Variants in CEP41 observed in about 807,000 individuals in gnomAD.
The protein encoded by CEP41 is centrosomal protein of 41 kDa.
Under a neutral mutation model 44.3 loss-of-function variants are expected in CEP41, and 32 were observed. The ratio of observed to expected loss-of-function variants is 0.72; its 90% CI spans 0.54 to 0.97. The LOEUF is 0.97. Ranked by LOEUF, CEP41 falls within the 50% of genes least tolerant of loss-of-function variation. The pLI is 0.00. For synonymous variants in CEP41, 151 were observed against 168.5 expected, an observed-to-expected ratio of 0.90 and a Z score of 0.80; for missense variants, 432 against 455.2, an observed-to-expected ratio of 0.95 and a Z score of 0.46.
At chr7:130,405,175 T>A (rs1796972953) in intron 5 of CEP41, among the ~76,000 whole-genome samples, 1 of 152,260 alleles carries the variant, frequency 6.6e-6, no homozygotes, top group Admixed American at 6.5e-5. Flanking sequence ...CATGCTTTTT[T>A]TAATGTTCTG....
In CEP41 at chr7:130,400,176, G is replaced by A; in HGVS notation, c.836C>T (p.Pro279Leu). 1.2e-6 allele frequency: 2 copies of A among 1,613,950 alleles called. No homozygotes were observed. The highest frequency in any genetic ancestry group is 1.7e-6 in the Non-Finnish European group (2 of 1,179,908). The change falls in exon 10 of 11, where the codon CCT becomes CTT. Residue 279 changes from proline to leucine, a missense_variant. Physicochemically the swap from Pro to Leu is moderately conservative, Grantham distance 98. Coordinates refer to ENST00000223208, the MANE Select transcript of CEP41 (RefSeq NM_018718.3). ...GGATCGTTTCCGGGCAGACCCAGGA[G>A]GAAGGGCCTGCTGGCAAGATGCTGG... ...SLPASCQQAL[P>L]PGSARKRSSP...
chr7:130,419,412 A>G (rs1290504266), intron 2 of CEP41: 2 of 985,302 alleles, frequency 2.0e-6, no homozygotes, highest in African/African-American at 3.5e-5. Flanking sequence ...AACTGCTTAC[A>G]TCTTAACTAT....
At position 130,400,019 on chromosome 7, in the gene CEP41, T is replaced by C; in HGVS notation, c.973+20A>G. ...AAAGCTGCAAACCAAACATTATCTT[T>C]AAAGGTCAAAAGATCTTACTAGGAT... On this transcript the variant is annotated intron_variant, in intron 10 of 10. Transcript: ENST00000223208. The C allele has an allele frequency of 3.3e-6, 5 of 1,513,530 alleles. No homozygotes were observed. The highest frequency in any genetic ancestry group is 4.6e-6 in the Non-Finnish European group (5 of 1,089,916). The allele number at this position is 1,513,530 out of a possible 1,614,324, so 93.8% of individuals were successfully genotyped here.
rs528455016 is a variant in CEP41, at chr7:130,397,675, C to T, written c.*1216G>A. On this transcript the variant is annotated 3_prime_UTR_variant, in exon 11 of 11. Transcript: ENST00000223208. ...ATTCCTCAGTCCCTTATCACAGCTA[C>T]GATCACAGACCATAAAAATTAACAC... 17 of 454,270 alleles carry T rather than the reference C, an allele frequency of 3.7e-5. No homozygotes were observed. The highest frequency in any genetic ancestry group is 1.9e-4 in the South Asian group (12 of 64,436). 28.1% of individuals were successfully genotyped at this position (454,270 alleles called of 1,614,324 possible).
Position 130,397,975 on chromosome 7 carries a change from G to A in CEP41, c.*916C>T, listed in dbSNP as rs1554415547. On this transcript the variant is annotated 3_prime_UTR_variant, in exon 11 of 11. Coordinates refer to ENST00000223208, the MANE Select transcript of CEP41 (RefSeq NM_018718.3). ...GTCAGCCCTGACAAAGGACTTCGGA[G>A]TCCTCTTCACCTTGTGTGTCCACAG... The A allele has an allele frequency of 8.8e-6, 4 of 454,388 alleles. No individual in the cohort carries two copies. In the Admixed American group the frequency reaches 9.4e-5, roughly 11 times the overall value. 28.1% of individuals were successfully genotyped at this position (454,388 alleles called of 1,614,324 possible). A position where few individuals can be genotyped will look rare whatever the true frequency, so the allele number is the denominator to read the frequency against.
At chr7:130,430,138 A>G (rs1797781569) in intron 1 of CEP41, among the ~76,000 whole-genome samples, 2 of 152,212 alleles carry the variant, frequency 1.3e-5, no homozygotes, top group African/African-American at 2.4e-5. Context: ...GTCTTACAAA[A>G]TATCTGTTGG....
chr7:130,398,800 G>A lies in CEP41; in HGVS notation c.*91C>T. Reference sequence around the variant, plus strand: ...ATACATATGTCATGGTCTTTCCTCTGCAGAAGTTTCTGGAAATGACCCAAC... The same window carrying A: ...ATACATATGTCATGGTCTTTCCTCTACAGAAGTTTCTGGAAATGACCCAAC... On this transcript the variant is annotated 3_prime_UTR_variant, in exon 11 of 11. Transcript: ENST00000223208. The A allele has an allele frequency of 6.9e-7, 1 of 1,450,220 alleles. No homozygotes were observed. Among genetic ancestry groups the A allele is most frequent in the Middle Eastern group, 1.7e-4 (1 of 5,780 alleles). The allele number at this position is 1,450,220 out of a possible 1,614,324, so 89.8% of individuals were successfully genotyped here.
intron 3 of CEP41, among the ~76,000 whole-genome samples, chr7:130,412,605 A>C (rs548877493): frequency 4.6e-5 from 7 of 152,338 alleles, no homozygotes; most frequent in African/African-American, 1.7e-4. Context: ...AGAGTAAAGC[A>C]GGGAAGAAAT....
At chr7:130,401,418 A>T (rs1796839924) in intron 8 of CEP41, among the ~76,000 whole-genome samples, 1 of 152,208 alleles carries the variant, frequency 6.6e-6, no homozygotes. Context: ...GACAGTCTGG[A>T]ATAAAATATA....
At chr7:130,416,516 C>T (rs574173301) in intron 3 of CEP41, among the ~76,000 whole-genome samples, 6 of 152,322 alleles carry the variant, frequency 3.9e-5, no homozygotes, top group Admixed American at 6.5e-5. Context: ...CATTTATACA[C>T]ACAAGAATGT....
rs1554414223 is a variant in CEP41 at position 130,395,756 on chromosome 7, T to C, written c.*3135A>G. The C allele has an allele frequency of 1.1e-5, 5 of 453,740 alleles. No homozygotes were observed. The highest frequency in any genetic ancestry group is 8.0e-5 in the African/African-American group (4 of 49,990). 28.1% of individuals were successfully genotyped at this position (453,740 alleles called of 1,614,324 possible). A position where few individuals can be genotyped will look rare whatever the true frequency, so the allele number is the denominator to read the frequency against. On this transcript the variant is annotated 3_prime_UTR_variant, in exon 11 of 11. Coordinates refer to ENST00000223208, the MANE Select transcript of CEP41 (RefSeq NM_018718.3). ...TAGCCTAAAGTCTTAAGAATTTTTG[T>C]ATAATTTAAATAGCACCACAGGAAA... is the stretch of plus-strand genomic sequence containing the variant.
chr7:130,434,829 G>C (rs1797916767), intron 1 of CEP41, among the ~76,000 whole-genome samples: 1 of 152,142 alleles, frequency 6.6e-6, no homozygotes, highest in South Asian at 2.1e-4. Flanking sequence ...CAAAGGAGAA[G>C]AGTGGGAATA....
Position 130,395,455 on chromosome 7 carries a change from G to C in CEP41, c.*3436C>G, listed in dbSNP as rs1350309003. On this transcript the variant is annotated 3_prime_UTR_variant, in exon 11 of 11. Transcript: ENST00000223208. Reference sequence around the variant, plus strand: ...ACACTGAGAACGTTTTAGAACTGGAGAAAGAAAGGTTCTTACTGATTATCT... The same window carrying C: ...ACACTGAGAACGTTTTAGAACTGGACAAAGAAAGGTTCTTACTGATTATCT... The C allele has an allele frequency of 2.2e-6, 1 of 453,958 alleles. No individual in the cohort carries two copies. Among genetic ancestry groups the C allele is most frequent in the African/African-American group, 2.0e-5 (1 of 49,992 alleles). 28.1% of individuals were successfully genotyped at this position (453,958 alleles called of 1,614,324 possible). A position where few individuals can be genotyped will look rare whatever the true frequency, so the allele number is the denominator to read the frequency against.
Position 130,396,166 on chromosome 7 carries a change from G to T in CEP41, c.*2725C>A. 2.2e-6 allele frequency: 1 copy of T among 453,488 alleles called. No individual in the cohort carries two copies. Among genetic ancestry groups the T allele is most frequent in the South Asian group, 1.6e-5 (1 of 64,436 alleles). 28.1% of individuals were successfully genotyped at this position (453,488 alleles called of 1,614,324 possible). ...GCATTTAAGGTATTATTTAAACTTTGGCCATCACTGCTGTTCAGGGTGCTG... is the reference window on the plus strand; with the variant it reads ...GCATTTAAGGTATTATTTAAACTTTTGCCATCACTGCTGTTCAGGGTGCTG... On this transcript the variant is annotated 3_prime_UTR_variant, in exon 11 of 11. Coordinates refer to ENST00000223208, the MANE Select transcript of CEP41 (RefSeq NM_018718.3).
In CEP41 at chr7:130,402,657, T is replaced by A; in HGVS notation, c.565A>T (p.Ile189Phe). 1 of 1,614,076 alleles carries A rather than the reference T, an allele frequency of 6.2e-7. No individual in the cohort carries two copies. The highest frequency in any genetic ancestry group is 8.5e-7 in the Non-Finnish European group (1 of 1,179,988). Reference sequence around the variant, plus strand: ...GCCTTCTCTCTCTTACCTCCAACAATGTGGCACTGCTGGTAAGAATCTCTA... The same window carrying A: ...GCCTTCTCTCTCTTACCTCCAACAAAGTGGCACTGCTGGTAAGAATCTCTA... ...RDRDSYQQCH[I>F]VGAYSYPIAT... Residue 189 changes from isoleucine (I) to phenylalanine (F), a missense_variant, in exon 7 of 11, where the codon ATT (isoleucine) becomes TTT (phenylalanine). Transcript: ENST00000223208.
In CEP41 at chr7:130,396,042, T is replaced by C. The variant is rs1288708394; in HGVS notation, c.*2849A>G. 2.0e-5 allele frequency: 9 copies of C among 453,982 alleles called. No individual in the cohort carries two copies. Among genetic ancestry groups the C allele is most frequent in the Non-Finnish European group, 3.5e-5 (8 of 226,802 alleles). 28.1% of individuals were successfully genotyped at this position (453,982 alleles called of 1,614,324 possible). The stretch of plus-strand genomic sequence containing the variant: ...CCTTTCTCTCTCGCTTTCTGCTTCT[T>C]TTCTTCTCTCTGCCCTCCCTTCTTC... On this transcript the variant is annotated 3_prime_UTR_variant, in exon 11 of 11. Coordinates refer to ENST00000223208, the MANE Select transcript of CEP41 (RefSeq NM_018718.3).
intron 1 of CEP41, among the ~76,000 whole-genome samples, chr7:130,432,255 A>G (rs1027777702): frequency 1.3e-5 from 2 of 152,206 alleles, no homozygotes; most frequent in African/African-American, 4.8e-5. Context: ...TTAAGGAAGT[A>G]AGGAAGTGGT....
In CEP41 at chr7:130,398,569, T is replaced by C. The variant is rs1347894209; in HGVS notation, c.*322A>G. On this transcript the variant is annotated 3_prime_UTR_variant, in exon 11 of 11. Transcript: ENST00000223208. ...GAGAGACCCAACAAGCTGGACCTTA[T>C]TAAAAAAAAACAAAACAAAAAAACT... 2.0e-6 allele frequency: 1 copy of C among 492,360 alleles called. No individual in the cohort carries two copies. The highest frequency in any genetic ancestry group is 4.0e-6 in the Non-Finnish European group (1 of 252,510). 30.5% of individuals were successfully genotyped at this position (492,360 alleles called of 1,614,324 possible).
chr7:130,399,625 C>A, intron 10 of CEP41: 1 of 235,878 alleles, frequency 4.2e-6, no homozygotes, highest in Non-Finnish European at 8.3e-6. Context: ...CGAGACCAGC[C>A]TGGCCAACAT....
Sources: gnomAD v4.1 joint callset for allele counts (sites outside exome capture counted in the v4.1 genomes callset) on GRCh38, gnomAD v4.1.1 for gene constraint, MANE v1.5 for transcripts, NCBI Gene and HGNC (gene_info 2026-07-23, HGNC 2026-07-21) for gene names.